SIM2: variants seen among roughly 807,000 people sequenced by gnomAD.
SIM2 encodes SIM bHLH transcription factor 2.
In SIM2, 28 loss-of-function variants were observed where a neutral mutation model predicts 64.8. The observed-to-expected ratio is 0.43, with a 90% CI of 0.32 to 0.59. The LOEUF (loss-of-function observed/expected upper bound fraction) is 0.59. Ranked by LOEUF, SIM2 falls within the 20% of genes least tolerant of loss-of-function variation. The pLI, the probability that SIM2 is intolerant of heterozygous loss-of-function variation, is 0.07. For missense variants in SIM2, 847 were observed against 871.4 expected (o/e 0.97, Z 0.35); for synonymous variants, 408 against 391.1 (o/e 1.04, Z -0.51).
At chr21:36,713,218 G>T (rs115999554) in intron 3 of SIM2, among the ~76,000 whole-genome samples, 1 of 152,124 alleles carries the variant, frequency 6.6e-6, no homozygotes, top group Admixed American at 6.5e-5. Context: ...GAACAGCAAG[G>T]TTTCTTTAGA....
intron 1 of SIM2, among the ~76,000 whole-genome samples, chr21:36,703,771 C>T (rs1430903335): frequency 2.0e-5 from 3 of 152,226 alleles, no homozygotes; most frequent in South Asian, 2.1e-4. Context: ...TGTGGCCCTC[C>T]GTTCTGGAGA....
At chr21:36,725,305 C>T (rs2088875973) in intron 5 of SIM2, among the ~76,000 whole-genome samples, 1 of 152,110 alleles carries the variant, frequency 6.6e-6, no homozygotes. Context: ...AGCCTGATTG[C>T]ACTACTGCAC....
chr21:36,702,113 G>T (rs559775980), intron 1 of SIM2, among the ~76,000 whole-genome samples: 2 of 152,188 alleles, frequency 1.3e-5, no homozygotes, highest in Non-Finnish European at 2.9e-5. Flanking sequence ...CCTTTAAACC[G>T]GCTCTGTGCG....
At chr21:36,729,035 C>T (rs368191721) in intron 6 of SIM2, among the ~76,000 whole-genome samples, 2 of 152,328 alleles carry the variant, frequency 1.3e-5, no homozygotes, top group South Asian at 2.1e-4. Context: ...GGTCTTCAGA[C>T]ACTAGAGGCT....
chr21:36,723,086 G>A lies in SIM2; in HGVS notation c.499G>A (p.Val167Ile), dbSNP rs568706800. ...ERSFFLRMKCVLAKRNAGLTC... is the reference protein window; with the variant it reads ...ERSFFLRMKCILAKRNAGLTC... ...GTCGTTCTTTCTTCGAATGAAATGTGTCTTGGCGAAAAGGAACGCGGGCCT... is the reference window on the plus strand; with the variant it reads ...GTCGTTCTTTCTTCGAATGAAATGTATCTTGGCGAAAAGGAACGCGGGCCT... The change falls in exon 5 of 11, where the codon GTC becomes ATC. Residue 167 changes from valine to isoleucine, a missense_variant. Val to Ile is a conservative substitution (Grantham distance 29). Around this residue, in one of 3 missense-constraint regions of SIM2, gnomAD observed 397 missense variants for 439.2 expected, o/e 0.90. Coordinates refer to ENST00000290399, the MANE Select transcript of SIM2 (RefSeq NM_005069.6). 5.6e-6 allele frequency: 9 copies of A among 1,614,206 alleles called. No homozygotes were observed. The highest frequency in any genetic ancestry group is 1.1e-5 in the South Asian group (1 of 91,088).
chr21:36,708,641 G>T (rs981285363), intron 1 of SIM2, among the ~76,000 whole-genome samples: 10 of 152,286 alleles, frequency 6.6e-5, no homozygotes, highest in African/African-American at 1.7e-4. Flanking sequence ...CGTGTAGGGG[G>T]TTTTTTATGC....
intron 1 of SIM2, among the ~76,000 whole-genome samples, chr21:36,708,077 G>T: frequency 6.6e-6 from 1 of 152,202 alleles, no homozygotes; most frequent in East Asian, 1.9e-4. Context: ...GACGCCGGGC[G>T]CGTTGTCCTC....
chr21:36,705,419 C>T (rs549663632), intron 1 of SIM2, among the ~76,000 whole-genome samples: 1 of 152,364 alleles, frequency 6.6e-6, no homozygotes, highest in African/African-American at 2.4e-5. Context: ...CTCCCCTACC[C>T]CAGCTCCCCC....
At chr21:36,729,154 A>G (rs965580080) in intron 6 of SIM2, among the ~76,000 whole-genome samples, 11 of 152,198 alleles carry the variant, frequency 7.2e-5, no homozygotes, top group Non-Finnish European at 1.2e-4. Context: ...TGATTCATTT[A>G]CACGTTTGGG....
intron 2 of SIM2, among the ~76,000 whole-genome samples, chr21:36,710,814 CG>C (rs1406017553): frequency 9.8e-5 from 15 of 152,326 alleles, no homozygotes; most frequent in African/African-American, 3.4e-4. Context: ...GGTGTGGCCG[CG>C]GCGAGTAATG....
chr21:36,731,296 T>C, intron 7 of SIM2, 145 bp downstream of exon 7: 1 of 612,900 alleles, frequency 1.6e-6, no homozygotes, highest in Non-Finnish European at 2.8e-6. Flanking sequence ...TGTGGCTTCC[T>C]CCACCCCGTG....
chr21:36,737,997 A>G (rs1478618134), intron 7 of SIM2, among the ~76,000 whole-genome samples: 2 of 151,182 alleles, frequency 1.3e-5, no homozygotes, highest in Non-Finnish European at 3.0e-5. Flanking sequence ...AAAAAAAGCA[A>G]AAAGAAAAAA....
Position 36,711,590 on chromosome 21 carries a change from T to C in SIM2, c.259-943T>C, listed in dbSNP as rs571138880. On this transcript the variant is annotated intron_variant, in intron 2 of 10. Transcript: ENST00000290399. The stretch of plus-strand genomic sequence containing the variant: ...GGTGGCTTAGAAAAACCAAAGGTAA[T>C]CTGGTTTCAATTACATGCTGTAAAA... Among the ~76,000 whole-genome samples the C allele has an allele frequency of 5.3e-5, 8 of 152,332 alleles. No homozygotes were observed. The South Asian group carries it at 1.7e-3, about 32-fold the overall frequency.
rs778070530 is a variant in SIM2 at position 36,744,879 on chromosome 21, TCTC to T, written c.1322_1324del (p.Ser441del). The T allele has an allele frequency of 3.8e-5, 62 of 1,614,192 alleles. No homozygotes were observed. In the African/African-American group the frequency reaches 8.0e-4, roughly 21 times the overall value. ...TACACGCCATCCTACAGCCTGCCCT[TCTC>T]CTACCATTACGGACACTTCCCTCTG... On this transcript the variant is annotated inframe_deletion, in exon 10 of 11. Coordinates refer to ENST00000290399, the MANE Select transcript of SIM2 (RefSeq NM_005069.6).
Position 36,709,154 on chromosome 21 carries a change from C to A in SIM2, c.176-14C>A. The stretch of plus-strand genomic sequence containing the variant: ...GCGCTGCAGTTTACCGATTTGCTTT[C>A]GTCCCTCGTCCAGGTTTAGGAGACG... On this transcript the variant is annotated splice_polypyrimidine_tract_variant and intron_variant, in intron 1 of 10. Coordinates refer to ENST00000290399, the MANE Select transcript of SIM2 (RefSeq NM_005069.6). The A allele has an allele frequency of 1.2e-6, 2 of 1,602,952 alleles. No individual in the cohort carries two copies. Among genetic ancestry groups the A allele is most frequent in the Non-Finnish European group, 8.5e-7 (1 of 1,175,610 alleles).
intron 7 of SIM2, among the ~76,000 whole-genome samples, chr21:36,739,631 C>T (rs1568939873): frequency 6.6e-6 from 1 of 152,198 alleles, no homozygotes; most frequent in Non-Finnish European, 1.5e-5. Flanking sequence ...TCACAATTTC[C>T]ATAGGATCAA....
intron 3 of SIM2, 83 bp from the exon 4 acceptor site, chr21:36,719,738 A>C (rs2070650): frequency 0.57 from 450,876 of 787,072 alleles, 129,697 homozygotes; most frequent in Admixed American, 0.61. Context: ...TGGCAGGGTG[A>C]GCACCTGTGA....
intron 2 of SIM2, 67 bp from the exon 3 acceptor site, chr21:36,712,466 T>C: frequency 1.9e-6 from 2 of 1,066,664 alleles, no homozygotes; most frequent in Non-Finnish European, 2.9e-6. Context: ...CCAGTGACTG[T>C]ACCATTGTTA....
intron 5 of SIM2, among the ~76,000 whole-genome samples, chr21:36,723,543 G>C (rs982216639): frequency 6.6e-6 from 1 of 152,154 alleles, no homozygotes; most frequent in Non-Finnish European, 1.5e-5. Flanking sequence ...CGCCGATGAC[G>C]GTGTGCACCA....
Sources: allele counts gnomAD v4.1 joint callset (sites outside exome capture counted in the v4.1 genomes callset), GRCh38; gene constraint gnomAD v4.1.1; regional missense constraint gnomAD v4.1.1; transcripts MANE v1.5; gene names NCBI Gene and HGNC (gene_info 2026-07-23, HGNC 2026-07-21).